Variants in OSTF1 observed in about 807,000 individuals in gnomAD.
OSTF1 encodes the protein osteoclast-stimulating factor 1.
A neutral mutation model predicts 37.2 loss-of-function variants in OSTF1; 27 were observed. The observed-to-expected ratio is 0.73, with a 90% CI of 0.54 to 1.00. The LOEUF (loss-of-function observed/expected upper bound fraction) is 1.00. Ranked by LOEUF, OSTF1 falls within the 50% of genes least tolerant of loss-of-function variation. The pLI is 0.00. For synonymous variants in OSTF1, 82 were observed against 89.2 expected (o/e 0.92, Z 0.46); for missense variants, 232 against 253.8 (o/e 0.91, Z 0.58).
rs41310065 is a variant in OSTF1, at chr9:75,117,832, C to G, written c.81+282C>G. Among the ~76,000 whole-genome samples, 1,416 of 152,348 alleles carry G rather than the reference C, an allele frequency of 9.3e-3. 12 individuals are homozygous for G. The highest frequency in any genetic ancestry group is 0.014 in the Non-Finnish European group (950 of 68,030). On this transcript the variant is annotated intron_variant, in intron 2 of 9. Transcript: ENST00000346234. ...TGCATATAAAGCACAGCGACCCTGT[C>G]TTAGTCATCTTTCTTCTGAATTTCA...
intron 7 of OSTF1, 103 bp downstream of exon 7, chr9:75,134,498 G>A: frequency 1.6e-6 from 1 of 617,998 alleles, no homozygotes; most frequent in South Asian, 2.1e-5. Flanking sequence ...AATCCCACAA[G>A]CACATAATTT....
chr9:75,138,473 A>G (rs1825877422), intron 8 of OSTF1, among the ~76,000 whole-genome samples: 1 of 152,186 alleles, frequency 6.6e-6, no homozygotes, highest in South Asian at 2.1e-4. Context: ...AGCCCTTTAA[A>G]TGGGGCTATC....
At chr9:75,114,871 C>A (rs1366876357) in intron 1 of OSTF1, among the ~76,000 whole-genome samples, 4 of 152,106 alleles carry the variant, frequency 2.6e-5, no homozygotes, top group Non-Finnish European at 4.4e-5. Context: ...TTTTAAAATT[C>A]ATGCTTCCAT....
At chr9:75,145,309 A>G (rs1826006793) in intron 9 of OSTF1, among the ~76,000 whole-genome samples, 1 of 152,180 alleles carries the variant, frequency 6.6e-6, no homozygotes, top group South Asian at 2.1e-4. Context: ...GGTTCAATCT[A>G]TCCATCTCTT....
At chr9:75,103,019 G>C (rs1443854419) in intron 1 of OSTF1, among the ~76,000 whole-genome samples, 3 of 152,216 alleles carry the variant, frequency 2.0e-5, no homozygotes, top group Admixed American at 6.5e-5. Context: ...CAGATTATAA[G>C]CTCACGCTTA....
At chr9:75,117,600 A>C (rs747802004) in intron 2 of OSTF1, 50 bp downstream of exon 2, 1 of 1,328,574 alleles carries the variant, frequency 7.5e-7, no homozygotes, top group South Asian at 1.2e-5. Flanking sequence ...ACCTAAGATG[A>C]TTTTATTTAG....
At chr9:75,145,603 G>C (rs1826011573) in intron 9 of OSTF1, among the ~76,000 whole-genome samples, 1 of 152,122 alleles carries the variant, frequency 6.6e-6, no homozygotes, top group Non-Finnish European at 1.5e-5. Context: ...GTTACGCAGA[G>C]GAACAGTTAA....
chr9:75,145,961 GAGATC>G (rs1381313206), intron 9 of OSTF1, among the ~76,000 whole-genome samples: 7 of 152,196 alleles, frequency 4.6e-5, no homozygotes, highest in African/African-American at 1.7e-4. Flanking sequence ...GTGATACTTA[GAGATC>G]ATGAAGATCT....
At chr9:75,126,369 A>G (rs967872515) in intron 2 of OSTF1, among the ~76,000 whole-genome samples, 2 of 152,200 alleles carry the variant, frequency 1.3e-5, no homozygotes, top group Non-Finnish European at 2.9e-5. Context: ...TTTTGTGTCT[A>G]TTTAATGCAT....
intron 8 of OSTF1, among the ~76,000 whole-genome samples, chr9:75,139,171 T>C (rs1318565483): frequency 6.6e-6 from 1 of 151,226 alleles, no homozygotes; most frequent in Non-Finnish European, 1.5e-5. Flanking sequence ...GCCTCCTGAA[T>C]AGCTGAAATT....
intron 7 of OSTF1, 77 bp from the exon 8 acceptor site, chr9:75,137,461 G>C: frequency 1.1e-6 from 1 of 950,588 alleles, no homozygotes; most frequent in South Asian, 1.4e-5. Context: ...GGTTTAACTG[G>C]GTTAAACCTG....
At chr9:75,104,625 G>A (rs1044456638) in intron 1 of OSTF1, among the ~76,000 whole-genome samples, 2 of 152,138 alleles carry the variant, frequency 1.3e-5, no homozygotes, top group East Asian at 3.8e-4. Flanking sequence ...ACAGGGTGAG[G>A]ATTTCGATAA....
intron 1 of OSTF1, among the ~76,000 whole-genome samples, chr9:75,093,980 G>A (rs1176597753): frequency 6.6e-6 from 1 of 152,158 alleles, no homozygotes; most frequent in Non-Finnish European, 1.5e-5. Context: ...TTCCTATCAG[G>A]TGGGTGGGTC....
intron 1 of OSTF1, among the ~76,000 whole-genome samples, chr9:75,115,191 C>T (rs1006255689): frequency 2.8e-4 from 43 of 152,126 alleles, no homozygotes. Context: ...CCGTATCCCA[C>T]CTTGGAGGCC....
At chr9:75,115,440 C>T (rs574790710) in intron 1 of OSTF1, among the ~76,000 whole-genome samples, 2 of 152,060 alleles carry the variant, frequency 1.3e-5, no homozygotes, top group Non-Finnish European at 2.9e-5. Context: ...TACAGGTGCA[C>T]GCCATCATGC....
In OSTF1 at chr9:75,102,784, A is replaced by T. The variant is rs557490421; in HGVS notation, c.34+14058A>T. On this transcript the variant is annotated intron_variant, in intron 1 of 9. Transcript: ENST00000346234. Reference sequence around the variant, plus strand: ...TTCTACTCCAGTGGCATCACAATGAATAACTACTTTTATCTCCAAAATTAA... The same window carrying T: ...TTCTACTCCAGTGGCATCACAATGATTAACTACTTTTATCTCCAAAATTAA... Among the ~76,000 whole-genome samples the T allele has an allele frequency of 3.9e-5, 6 of 152,318 alleles. No individual in the cohort carries two copies. The South Asian group carries it at 1.2e-3, about 32-fold the overall frequency.
chr9:75,092,980 A>C (rs1825004871), intron 1 of OSTF1, among the ~76,000 whole-genome samples: 1 of 151,230 alleles, frequency 6.6e-6, no homozygotes, highest in Non-Finnish European at 1.5e-5. Flanking sequence ...CTCTACTAAG[A>C]TGTGTTGCAA....
intron 9 of OSTF1, among the ~76,000 whole-genome samples, chr9:75,146,395 T>A (rs1175657746): frequency 2.0e-5 from 3 of 152,212 alleles, no homozygotes; most frequent in Admixed American, 6.5e-5. Flanking sequence ...TGGTGGTGTA[T>A]CATGTTGGTC....
intron 2 of OSTF1, among the ~76,000 whole-genome samples, chr9:75,122,704 G>T (rs1374779827): frequency 6.6e-6 from 1 of 152,046 alleles, no homozygotes; most frequent in Admixed American, 6.6e-5. Context: ...CCTTGGAGAG[G>T]TTTCTCATCT....
Sources: gnomAD v4.1 joint callset for allele counts (sites outside exome capture counted in the v4.1 genomes callset) on GRCh38, gnomAD v4.1.1 for gene constraint, MANE v1.5 for transcripts, NCBI Gene and HGNC (gene_info 2026-07-23, HGNC 2026-07-21) for gene names.